SPHKAP: variants seen among roughly 807,000 people sequenced by gnomAD.
SPHKAP encodes A-kinase anchor protein SPHKAP.
A neutral mutation model predicts 137.5 loss-of-function variants in SPHKAP; 67 were observed. That is an observed-to-expected ratio of 0.49 (90% confidence interval 0.40 to 0.60). The LOEUF (loss-of-function observed/expected upper bound fraction) is 0.60. Ranked by LOEUF, SPHKAP falls within the 20% of genes least tolerant of loss-of-function variation. The probability of loss-of-function intolerance (pLI) is 0.00; values close to 1 mark genes in which losing one functional copy is unlikely to be tolerated. For missense variants in SPHKAP, 2,097 were observed against 2,069.3 expected (o/e 1.01, Z -0.26); for synonymous variants, 813 against 785.3 (o/e 1.04, Z -0.59).
intron 2 of SPHKAP, among the ~76,000 whole-genome samples, chr2:228,120,231 T>A (rs1698863747): frequency 6.6e-6 from 1 of 152,182 alleles, no homozygotes; most frequent in Non-Finnish European, 1.5e-5. Flanking sequence ...TGTCATCTTA[T>A]GATAAACATA....
intron 4 of SPHKAP, chr2:228,025,836 A>C: frequency 7.1e-6 from 7 of 980,642 alleles, no homozygotes; most frequent in Non-Finnish European, 8.5e-6. Flanking sequence ...GTAACTTGGA[A>C]AAATTTTCCC....
chr2:228,016,448 A>G lies in SPHKAP; in HGVS notation c.4406T>C (p.Val1469Ala). 1.2e-6 allele frequency: 2 copies of G among 1,610,514 alleles called. No individual in the cohort carries two copies. Among genetic ancestry groups the G allele is most frequent in the East Asian group, 2.2e-5 (1 of 44,844 alleles). The change falls in exon 7 of 12, where the codon GTG (valine) becomes GCG (alanine). Residue 1469 changes from valine (V) to alanine (A), a missense_variant. Physicochemically the swap from Val to Ala is moderately conservative, Grantham distance 64. Transcript: ENST00000392056. ...GCTCACGGCTGTGTCTCCACCTCTC[A>G]CCACATCTGGGATGTTTTTGTCATT... ...HSNDKNIPDV[V>A]RGGDTAVSAC... is the part of the protein sequence containing the mutation.
chr2:227,990,159 T>C (rs1014351265), intron 11 of SPHKAP, among the ~76,000 whole-genome samples: 6 of 152,188 alleles, frequency 3.9e-5, no homozygotes, highest in African/African-American at 1.4e-4. Flanking sequence ...CCCGGAACTT[T>C]TGGATAAGTG....
intron 3 of SPHKAP, among the ~76,000 whole-genome samples, chr2:228,063,585 G>C (rs978928066): frequency 6.6e-6 from 1 of 152,130 alleles, no homozygotes; most frequent in Non-Finnish European, 1.5e-5. Context: ...ACAATATTAT[G>C]AACATAGCAA....
intron 3 of SPHKAP, among the ~76,000 whole-genome samples, chr2:228,103,716 A>G (rs532582833): frequency 1.3e-5 from 2 of 152,262 alleles, no homozygotes; most frequent in African/African-American, 2.4e-5. Context: ...TTAGCATTTG[A>G]TAGGTTCTTA....
chr2:228,105,575 G>C (rs991640093), intron 3 of SPHKAP, among the ~76,000 whole-genome samples: 3 of 152,172 alleles, frequency 2.0e-5, no homozygotes, highest in Non-Finnish European at 2.9e-5. Context: ...TATGGTTTGT[G>C]TGTGTCCCCA....
At chr2:228,074,821 T>C (rs1260326155) in intron 3 of SPHKAP, among the ~76,000 whole-genome samples, 1 of 152,140 alleles carries the variant, frequency 6.6e-6, no homozygotes, top group Admixed American at 6.5e-5. Flanking sequence ...TTCCTCCCCT[T>C]CTTTTCTTCC....
At chr2:228,002,744 A>T (rs1351505420) in intron 7 of SPHKAP, among the ~76,000 whole-genome samples, 1 of 152,192 alleles carries the variant, frequency 6.6e-6, no homozygotes, top group Non-Finnish European at 1.5e-5. Context: ...TAATTTTTGT[A>T]TAAGGTGTAA....
At chr2:228,081,502 T>C (rs1574832181) in intron 3 of SPHKAP, among the ~76,000 whole-genome samples, 1 of 152,362 alleles carries the variant, frequency 6.6e-6, no homozygotes, top group East Asian at 1.9e-4. Context: ...ATTCCATGTT[T>C]ATTACAGTAT....
intron 2 of SPHKAP, among the ~76,000 whole-genome samples, chr2:228,129,142 C>T (rs149358948): frequency 0.01 from 1,566 of 152,094 alleles, 21 homozygotes; most frequent in African/African-American, 0.036. Context: ...ACAGTAACGT[C>T]GAAGATCACT....
At position 227,995,672 on chromosome 2, in the gene SPHKAP, C is replaced by T. The variant is rs1450869274; in HGVS notation, c.4471G>A (p.Val1491Ile). 4 of 1,606,918 alleles carry T rather than the reference C, an allele frequency of 2.5e-6. No individual in the cohort carries two copies. Among genetic ancestry groups the T allele is most frequent in the Non-Finnish European group, 3.4e-6 (4 of 1,177,968 alleles). The change falls in exon 8 of 12, where the codon GTA (valine) becomes ATA (isoleucine). Residue 1491 changes from valine to isoleucine, a missense_variant. Coordinates refer to ENST00000392056, the MANE Select transcript of SPHKAP (RefSeq NM_001142644.2). ...IHSDSLDTRD[V>I]PEAEASTEAR... ...TCTGTGGAGGCTTCAGCCTCTGGTA[C>T]ATCTCTGGTATCAAGGCTGTCACTG...
rs536821697 is a variant in SPHKAP at position 228,001,430 on chromosome 2, T to C, written c.4449-5736A>G. ...ATAAATATATATAAATATATACATA[T>C]ATAAATATATATATGTATATATACG... On this transcript the variant is annotated intron_variant, in intron 7 of 11. Transcript: ENST00000392056. 1.3e-4 allele frequency among the ~76,000 whole-genome samples: 18 copies of C among 138,766 alleles called. No homozygotes were observed. In the East Asian group the frequency reaches 3.6e-3, roughly 27 times the overall value. 91.0% of individuals were successfully genotyped at this position (138,766 alleles called of 152,430 possible).
chr2:228,002,168 T>C (rs1182391404), intron 7 of SPHKAP, among the ~76,000 whole-genome samples: 1 of 152,192 alleles, frequency 6.6e-6, no homozygotes, highest in Non-Finnish European at 1.5e-5. Flanking sequence ...ATGGTTGAAC[T>C]AGTTTACAGT....
chr2:228,172,659 A>T (rs1254339596), intron 1 of SPHKAP, among the ~76,000 whole-genome samples: 5 of 152,054 alleles, frequency 3.3e-5, no homozygotes, highest in African/African-American at 1.2e-4. Context: ...CAATTCCAAA[A>T]CCCCAGGGGA....
chr2:228,002,149 A>C (rs544158386), intron 7 of SPHKAP, among the ~76,000 whole-genome samples: 24 of 152,232 alleles, frequency 1.6e-4, no homozygotes, highest in African/African-American at 4.8e-4. Flanking sequence ...CGCCACACTG[A>C]CTTCCACAAT....
At chr2:228,115,079 C>T (rs192396659) in intron 2 of SPHKAP, among the ~76,000 whole-genome samples, 5 of 152,240 alleles carry the variant, frequency 3.3e-5, no homozygotes, top group Non-Finnish European at 5.9e-5. Flanking sequence ...GAAGACATGT[C>T]TCTCTTTTCC....
At chr2:228,054,857 C>G (rs901456161) in intron 3 of SPHKAP, among the ~76,000 whole-genome samples, 2 of 37,906 alleles carry the variant, frequency 5.3e-5, no homozygotes, top group African/African-American at 2.8e-4. Context: ...GGAGTGAAAA[C>G]TTATGATATA....
rs1574927315 is a variant in SPHKAP at position 228,181,420 on chromosome 2, G to A, written c.32+147C>T. The A allele has an allele frequency of 8.8e-7, 1 of 1,137,452 alleles. No individual in the cohort carries two copies. The highest frequency in any genetic ancestry group is 1.3e-6 in the Non-Finnish European group (1 of 758,524). 70.5% of individuals were successfully genotyped at this position (1,137,452 alleles called of 1,614,324 possible). A position where few individuals can be genotyped will look rare whatever the true frequency, so the allele number is the denominator to read the frequency against. Reference sequence around the variant, plus strand: ...CTGTAGCTCCAGCGAGGCTGGGCCGGACTTATTTACAAGTGCAGTGACCCC... The same window carrying A: ...CTGTAGCTCCAGCGAGGCTGGGCCGAACTTATTTACAAGTGCAGTGACCCC... On this transcript the variant is annotated intron_variant, in intron 1 of 11. Transcript: ENST00000392056. This position sits in a 1 kb window ranked among gnomAD's most constrained non-coding sequence, Gnocchi z 4.3.
chr2:228,082,449 T>C (rs1697393195), intron 3 of SPHKAP, among the ~76,000 whole-genome samples: 1 of 17,128 alleles, frequency 5.8e-5, no homozygotes, highest in African/African-American at 2.5e-4. Context: ...ATTATGTAAG[T>C]AGATAAAGTT....
Sources: allele counts gnomAD v4.1 joint callset (sites outside exome capture counted in the v4.1 genomes callset), GRCh38; gene constraint gnomAD v4.1.1; non-coding constraint Gnocchi (gnomAD v3.1); transcripts MANE v1.5; gene names NCBI Gene and HGNC (gene_info 2026-07-23, HGNC 2026-07-21).